Variants in NAA25 observed in about 807,000 individuals in gnomAD.
NAA25 encodes the protein N-alpha-acetyltransferase 25, NatB auxiliary subunit.
Under a neutral mutation model 132.5 loss-of-function variants are expected in NAA25, and 30 were observed. That is an observed-to-expected ratio of 0.23 (90% CI 0.17 to 0.31). NAA25 has a LOEUF of 0.31. Ranked by LOEUF, NAA25 falls within the 10% of genes least tolerant of loss-of-function variation. NAA25 has a pLI of 1.00. For missense variants in NAA25, 771 were observed against 1,150.4 expected, an observed-to-expected ratio of 0.67 and a Z score of 4.77; for synonymous variants, 359 against 401.9, an observed-to-expected ratio of 0.89 and a Z score of 1.28.
chr12:112,050,385 G>C (rs1353620848), intron 15 of NAA25, among the ~76,000 whole-genome samples: 1 of 152,112 alleles, frequency 6.6e-6, no homozygotes, highest in East Asian at 1.9e-4. Flanking sequence ...CACCAATGAG[G>C]CTATTTAGAT....
intron 15 of NAA25, among the ~76,000 whole-genome samples, chr12:112,050,494 A>T (rs1273917075): frequency 2.0e-5 from 3 of 151,568 alleles, no homozygotes; most frequent in African/African-American, 4.8e-5. Flanking sequence ...ATACCTAGAG[A>T]TTATATTTTC....
chr12:112,037,727 G>A (rs1194406065), intron 22 of NAA25: 2 of 147,702 alleles, frequency 1.4e-5, no homozygotes, highest in Admixed American at 1.3e-4. Flanking sequence ...CAACATTAGT[G>A]ACTCCTGATT....
chr12:112,043,314 A>G, intron 18 of NAA25, 103 bp from the exon 19 acceptor site: 1 of 1,260,062 alleles, frequency 7.9e-7, no homozygotes, highest in African/African-American at 1.5e-5. Flanking sequence ...TCAGCGGTTC[A>G]GCTAAAAGCC....
intron 9 of NAA25, among the ~76,000 whole-genome samples, chr12:112,072,443 A>T (rs2078824722): frequency 6.6e-6 from 1 of 151,836 alleles, no homozygotes; most frequent in African/African-American, 2.4e-5. Flanking sequence ...CCCCATCTCT[A>T]CTAAAAGTAT....
intron 11 of NAA25, among the ~76,000 whole-genome samples, chr12:112,064,607 T>C (rs1287008648): frequency 1.3e-5 from 2 of 152,214 alleles, no homozygotes; most frequent in Non-Finnish European, 2.9e-5. Context: ...TTTTATATAT[T>C]AGTTAGGTTT....
chr12:112,081,206 C>A, intron 4 of NAA25, 72 bp from the exon 5 acceptor site: 2 of 1,278,112 alleles, frequency 1.6e-6, no homozygotes, highest in Admixed American at 2.1e-5. Context: ...AGATACACGA[C>A]AAAAAGTTTC....
intron 1 of NAA25, among the ~76,000 whole-genome samples, chr12:112,098,111 C>A (rs1327010359): frequency 8.3e-6 from 1 of 120,646 alleles, no homozygotes; most frequent in East Asian, 3.0e-4. Context: ...CAGAGCAAGA[C>A]TCCATCTCAA....
intron 1 of NAA25, among the ~76,000 whole-genome samples, chr12:112,101,971 A>G (rs2079302592): frequency 6.7e-6 from 1 of 149,164 alleles, no homozygotes; most frequent in South Asian, 2.1e-4. Context: ...GGTTCAAGCT[A>G]TTCTCCTGCC....
intron 20 of NAA25, among the ~76,000 whole-genome samples, 153 bp downstream of exon 20, chr12:112,041,886 T>A (rs1222094952): frequency 1.3e-5 from 2 of 152,322 alleles, no homozygotes; most frequent in South Asian, 4.1e-4. Flanking sequence ...CACACACATA[T>A]GTGTTTAGGT....
chr12:112,048,927 T>G (rs369444184), intron 15 of NAA25, among the ~76,000 whole-genome samples: 2 of 147,126 alleles, frequency 1.4e-5, no homozygotes, highest in East Asian at 2.1e-4. Flanking sequence ...TGCTCCTTGG[T>G]TTTGCTTATT....
chr12:112,088,007 C>T (rs951698396), intron 3 of NAA25, among the ~76,000 whole-genome samples: 6 of 152,292 alleles, frequency 3.9e-5, no homozygotes, highest in Non-Finnish European at 5.9e-5. Flanking sequence ...GCATTTACAA[C>T]ATATAAGACC....
At chr12:112,088,883 G>T (rs556168138) in intron 3 of NAA25, among the ~76,000 whole-genome samples, 14 of 152,192 alleles carry the variant, frequency 9.2e-5, no homozygotes, top group African/African-American at 3.4e-4. Flanking sequence ...GCCTCCCAAA[G>T]TGCTGGGATT....
intron 1 of NAA25, among the ~76,000 whole-genome samples, chr12:112,093,960 C>T (rs1220430879): frequency 2.6e-5 from 4 of 151,840 alleles, no homozygotes; most frequent in African/African-American, 9.7e-5. Flanking sequence ...CTATAAATGG[C>T]TAGGACGGTC....
rs545164482 is a variant in NAA25, at chr12:112,093,278, A to C, written c.59-142T>G. 5.5e-4 allele frequency: 289 copies of C among 528,352 alleles called. 3 individuals carry two copies. The South Asian group carries it at 5.7e-3, about 10-fold the overall frequency. 32.7% of individuals were successfully genotyped at this position (528,352 alleles called of 1,614,324 possible). On this transcript the variant is annotated intron_variant, in intron 1 of 23. Coordinates refer to ENST00000261745, the MANE Select transcript of NAA25 (RefSeq NM_024953.4). ...ATGGAGGCCGGGCGTGGTGGCTTAC[A>C]CCTGTAATCCCAGCACTCTGGGAGC... is the stretch of plus-strand genomic sequence containing the variant.
intron 13 of NAA25, among the ~76,000 whole-genome samples, chr12:112,054,825 G>A (rs1276997353): frequency 6.6e-6 from 1 of 152,064 alleles, no homozygotes; most frequent in Non-Finnish European, 1.5e-5. Context: ...GTCTTGTGGG[G>A]GGATGTTATA....
chr12:112,058,295 G>A (rs2078576530), intron 13 of NAA25, among the ~76,000 whole-genome samples: 2 of 152,202 alleles, frequency 1.3e-5, no homozygotes, highest in African/African-American at 4.8e-5. Flanking sequence ...CTTAGATGAG[G>A]GAGGTAAGAA....
intron 19 of NAA25, chr12:112,042,431 C>CTATGGAGTATT (rs1383129454): frequency 1.3e-5 from 2 of 156,694 alleles, no homozygotes; most frequent in Non-Finnish European, 2.8e-5. Flanking sequence ...AGGAAAAGGT[C>CTATGGAGTATT]TATGGAGTAT....
chr12:112,051,212 A>G (rs1280719093), intron 15 of NAA25, among the ~76,000 whole-genome samples: 2 of 152,076 alleles, frequency 1.3e-5, no homozygotes, highest in African/African-American at 2.4e-5. Context: ...TAGCTGTACC[A>G]TATTTTTCTT....
intron 15 of NAA25, among the ~76,000 whole-genome samples, chr12:112,052,493 C>T (rs546733531): frequency 6.6e-6 from 1 of 152,314 alleles, no homozygotes; most frequent in Non-Finnish European, 1.5e-5. Context: ...CAAGAGGCTG[C>T]TTTCCACCTG....
Sources: gnomAD v4.1 joint callset for allele counts (sites outside exome capture counted in the v4.1 genomes callset) on GRCh38, gnomAD v4.1.1 for gene constraint, MANE v1.5 for transcripts, NCBI Gene and HGNC (gene_info 2026-07-23, HGNC 2026-07-21) for gene names.